EBF1: variants seen among roughly 807,000 people sequenced by gnomAD.
EBF1 encodes the protein EBF transcription factor 1, also known as transcription factor COE1.
A neutral mutation model predicts 68.4 loss-of-function variants in EBF1; 10 were observed. The ratio of observed to expected loss-of-function variants is 0.15; its 90% confidence interval spans 0.09 to 0.25. EBF1 has a LOEUF of 0.25. EBF1 is among the 10% of genes least tolerant of loss of function. EBF1 has a pLI of 1.00. For synonymous variants in EBF1, 298 were observed against 299.8 expected (o/e 0.99, Z 0.06); for missense variants, 509 against 794.4 (o/e 0.64, Z 4.32).
intron 6 of EBF1, among the ~76,000 whole-genome samples, chr5:158,870,311 A>G (rs1023384458): frequency 2.0e-5 from 3 of 152,212 alleles, no homozygotes; most frequent in Admixed American, 6.5e-5. Flanking sequence ...TAGTAATAGG[A>G]AGCAATAAAA....
At chr5:158,839,968 T>A in intron 7 of EBF1, 61 bp downstream of exon 7, 1 of 1,545,938 alleles carries the variant, frequency 6.5e-7, no homozygotes, top group Non-Finnish European at 8.9e-7. Flanking sequence ...CCTAAGACTT[T>A]TTTATCCTCT....
chr5:158,746,828 G>A (rs1767695095), intron 10 of EBF1, among the ~76,000 whole-genome samples: 1 of 152,194 alleles, frequency 6.6e-6, no homozygotes, highest in Non-Finnish European at 1.5e-5. Flanking sequence ...ATATCTACAG[G>A]AGCAGAGATC....
At chr5:158,943,185 A>G (rs1317252404) in intron 6 of EBF1, among the ~76,000 whole-genome samples, 2 of 152,196 alleles carry the variant, frequency 1.3e-5, no homozygotes, top group African/African-American at 4.8e-5. Flanking sequence ...AGGAGGTCAC[A>G]TTAATGCAAA....
intron 6 of EBF1, chr5:158,983,895 A>AGT (rs1758405199): frequency 1.1e-5 from 1 of 92,432 alleles, no homozygotes; most frequent in Non-Finnish European, 2.3e-5. Context: ...TGCAACTGTA[A>AGT]GAGTGTGTGT....
At chr5:158,963,116 T>C (rs1753376370) in intron 6 of EBF1, among the ~76,000 whole-genome samples, 1 of 152,240 alleles carries the variant, frequency 6.6e-6, no homozygotes, top group Non-Finnish European at 1.5e-5. Context: ...TTATAGCTTA[T>C]ATTTTCACTT....
At chr5:159,096,474 A>G (rs1782623769) in intron 2 of EBF1, 68 bp from the exon 3 acceptor site, 1 of 1,556,624 alleles carries the variant, frequency 6.4e-7, no homozygotes, top group Non-Finnish European at 8.8e-7. Context: ...GAGTGGACCA[A>G]CTTTCGAGGC....
rs191406954 is a variant in EBF1, at chr5:158,968,720, T to C, written c.554+104676A>G. Among the ~76,000 whole-genome samples, 644 of 152,316 alleles carry C rather than the reference T, an allele frequency of 4.2e-3. 3 individuals carry two copies. Among genetic ancestry groups the C allele is most frequent in the Non-Finnish European group, 7.2e-3 (487 of 68,032 alleles). ...CATCAAAGGACTTATGATCAACTTG[T>C]CTTTTATGAAAACAACTTCAAAAAT... On this transcript the variant is annotated intron_variant, in intron 6 of 15. Coordinates refer to ENST00000313708, the MANE Select transcript of EBF1 (RefSeq NM_024007.5).
At chr5:159,052,654 G>GA (rs1227272918) in intron 6 of EBF1, among the ~76,000 whole-genome samples, 4 of 152,216 alleles carry the variant, frequency 2.6e-5, no homozygotes, top group Non-Finnish European at 2.9e-5. Context: ...AGACTGGACG[G>GA]ATCCTTTACC....
chr5:159,060,933 TACACAC>T lies in EBF1; in HGVS notation c.554+12457_554+12462del, dbSNP rs72070397. 7.4e-3 allele frequency among the ~76,000 whole-genome samples: 1,065 copies of T among 143,748 alleles called. 5 individuals carry two copies. Among genetic ancestry groups the T allele is most frequent in the Middle Eastern group, 0.035 (10 of 288 alleles). 94.3% of individuals were successfully genotyped at this position (143,748 alleles called of 152,430 possible). On this transcript the variant is annotated intron_variant, in intron 6 of 15. Coordinates refer to ENST00000313708, the MANE Select transcript of EBF1 (RefSeq NM_024007.5). Reference sequence around the variant, plus strand: ...AGATTTAGAGAGGGTTAAAGCTACATACACACACACACACACACACACACACACACA... The same window carrying T: ...AGATTTAGAGAGGGTTAAAGCTACATACACACACACACACACACACACACA...
intron 8 of EBF1, among the ~76,000 whole-genome samples, chr5:158,822,949 C>G (rs1785179252): frequency 6.6e-6 from 1 of 152,114 alleles, no homozygotes; most frequent in Non-Finnish European, 1.5e-5. Context: ...TCAGCCATTT[C>G]CAGAGTAGAG....
intron 6 of EBF1, among the ~76,000 whole-genome samples, chr5:158,954,261 G>A (rs930332897): frequency 2.0e-5 from 3 of 151,854 alleles, no homozygotes; most frequent in Admixed American, 6.5e-5. Context: ...TCACTCTGAC[G>A]CAATCTAGTT....
chr5:158,844,237 C>G (rs1242647524), intron 6 of EBF1, among the ~76,000 whole-genome samples: 1 of 138,314 alleles, frequency 7.2e-6, no homozygotes. Flanking sequence ...ACGAGAAACT[C>G]GACATCTTTC....
intron 11 of EBF1, 42 bp downstream of exon 11, chr5:158,731,027 A>T: frequency 6.3e-7 from 1 of 1,581,804 alleles, no homozygotes; most frequent in Non-Finnish European, 8.6e-7. Flanking sequence ...CAAATCGCTC[A>T]AGTCCAAATT....
intron 6 of EBF1, among the ~76,000 whole-genome samples, chr5:159,043,144 A>T (rs1415289655): frequency 6.6e-6 from 1 of 152,136 alleles, no homozygotes; most frequent in African/African-American, 2.4e-5. Flanking sequence ...GCAGACAAAA[A>T]CTCCAAGTTC....
At chr5:158,812,727 C>T (rs1454800774) in intron 8 of EBF1, among the ~76,000 whole-genome samples, 1 of 152,072 alleles carries the variant, frequency 6.6e-6, no homozygotes, top group Admixed American at 6.5e-5. Flanking sequence ...ACAATGTCAG[C>T]CTTGCTCAGT....
rs1795996915 is a variant in EBF1, at chr5:158,866,859, A to ATATG, written c.555-26750_555-26749insCATA. 2.0e-4 allele frequency among the ~76,000 whole-genome samples: 5 copies of ATATG among 24,948 alleles called. 1 individual carries two copies. The highest frequency in any genetic ancestry group is 3.2e-4 in the Non-Finnish European group (3 of 9,316). The allele number at this position is 24,948 out of a possible 152,430, so 16.4% of individuals were successfully genotyped here. A position where few individuals can be genotyped will look rare whatever the true frequency, so the allele number is the denominator to read the frequency against. On this transcript the variant is annotated intron_variant, in intron 6 of 15. Transcript: ENST00000313708. ...TATATATATATATATATATATATAT[A>ATATG]TATATATATATATATATATATATAT...
chr5:158,999,055 A>G (rs1583809606), intron 6 of EBF1, among the ~76,000 whole-genome samples: 1 of 152,190 alleles, frequency 6.6e-6, no homozygotes, highest in South Asian at 2.1e-4. Context: ...AGCACACACA[A>G]GAGTTTTTGT....
At chr5:158,849,062 G>A (rs1335780923) in intron 6 of EBF1, among the ~76,000 whole-genome samples, 2 of 152,098 alleles carry the variant, frequency 1.3e-5, no homozygotes, top group African/African-American at 4.8e-5. Context: ...CATGATTTTG[G>A]TTCAAGTTTT....
chr5:158,787,881 A>G (rs1457075012), intron 9 of EBF1, among the ~76,000 whole-genome samples: 1 of 152,224 alleles, frequency 6.6e-6, no homozygotes, highest in African/African-American at 2.4e-5. Context: ...TTATGTGCAT[A>G]CTTATTACAC....
Sources: gnomAD v4.1 joint callset for allele counts (sites outside exome capture counted in the v4.1 genomes callset) on GRCh38, gnomAD v4.1.1 for gene constraint, MANE v1.5 for transcripts, NCBI Gene and HGNC (gene_info 2026-07-23, HGNC 2026-07-21) for gene names.